The following BMPR1B variants were observed in gnomAD, a reference collection of about 807,000 sequenced individuals.
BMPR1B encodes the protein bone morphogenetic protein receptor type 1B.
BMPR1B carries 12 observed loss-of-function variants against 59.1 expected under a neutral mutation model. The ratio of observed to expected loss-of-function variants is 0.20; its 90% confidence interval spans 0.13 to 0.33. The LOEUF (loss-of-function observed/expected upper bound fraction) is 0.33, where lower values mean the gene tolerates loss of function less well. Among genes scored for constraint, BMPR1B ranks in the 10% least tolerant of loss-of-function variants. BMPR1B has a pLI of 1.00. For missense variants in BMPR1B, 550 were observed against 610.9 expected (o/e 0.90, Z 1.05); for synonymous variants, 237 against 207.3 (o/e 1.14, Z -1.23).
intron 1 of BMPR1B, among the ~76,000 whole-genome samples, chr4:94,796,382 T>C (rs183562503): frequency 1.4e-4 from 22 of 152,342 alleles, no homozygotes; most frequent in African/African-American, 4.1e-4. Context: ...TGGTAGACTT[T>C]GTAAAATCAC....
At chr4:95,071,383 T>C (rs1230944752) in intron 3 of BMPR1B, among the ~76,000 whole-genome samples, 1 of 152,102 alleles carries the variant, frequency 6.6e-6, no homozygotes, top group East Asian at 1.9e-4. Flanking sequence ...AAAACAAAAA[T>C]CACTCTGTCT....
intron 1 of BMPR1B, among the ~76,000 whole-genome samples, chr4:94,841,655 C>T (rs1725086995): frequency 6.6e-6 from 1 of 152,128 alleles, no homozygotes. Flanking sequence ...GATCTGCGCC[C>T]ACTGGCACTC....
chr4:94,761,453 GT>G (rs1721766083), intron 1 of BMPR1B, among the ~76,000 whole-genome samples: 2 of 144,392 alleles, frequency 1.4e-5, no homozygotes, highest in African/African-American at 2.5e-5. Flanking sequence ...GTGTGTGTGT[GT>G]GTGTGTGTTG....
At chr4:95,094,303 AT>A (rs1230065553) in intron 3 of BMPR1B, among the ~76,000 whole-genome samples, 1 of 152,008 alleles carries the variant, frequency 6.6e-6, no homozygotes, top group Non-Finnish European at 1.5e-5. Flanking sequence ...TGAAAACCTT[AT>A]ATTTTTATAG....
At chr4:94,842,329 G>T (rs778849129) in intron 1 of BMPR1B, among the ~76,000 whole-genome samples, 1 of 152,048 alleles carries the variant, frequency 6.6e-6, no homozygotes, top group Non-Finnish European at 1.5e-5. Context: ...ACGTACTGGA[G>T]TTTTTATGAA....
At chr4:95,029,225 C>G (rs1408885747) in intron 3 of BMPR1B, among the ~76,000 whole-genome samples, 1 of 151,416 alleles carries the variant, frequency 6.6e-6, no homozygotes, top group Non-Finnish European at 1.5e-5. Context: ...TTAGGTATAT[C>G]TCCTAATGCT....
At chr4:94,821,770 G>A (rs900539395) in intron 1 of BMPR1B, among the ~76,000 whole-genome samples, 1 of 152,170 alleles carries the variant, frequency 6.6e-6, no homozygotes, top group Admixed American at 6.5e-5. Flanking sequence ...TCTTGTTGAA[G>A]TCTGGATGGT....
At chr4:95,103,529 T>G in intron 3 of BMPR1B, 1 of 971,640 alleles carries the variant, frequency 1.0e-6, no homozygotes, top group Non-Finnish European at 1.2e-6. Context: ...TAATAATTAA[T>G]GCATGCCCTC....
At chr4:94,791,289 A>G (rs1040359921) in intron 1 of BMPR1B, among the ~76,000 whole-genome samples, 46 of 152,140 alleles carry the variant, frequency 3.0e-4, no homozygotes, top group Middle Eastern at 3.2e-3. Flanking sequence ...CCGTCCAGCC[A>G]CCAAGTAGGT....
At chr4:94,959,807 A>G (rs1030674340) in intron 2 of BMPR1B, among the ~76,000 whole-genome samples, 1 of 152,102 alleles carries the variant, frequency 6.6e-6, no homozygotes, top group Non-Finnish European at 1.5e-5. Context: ...TAGGGTAGAG[A>G]GTATGATTTT....
chr4:95,082,036 G>A (rs574020295), intron 3 of BMPR1B, among the ~76,000 whole-genome samples: 9 of 151,566 alleles, frequency 5.9e-5, no homozygotes, highest in African/African-American at 1.7e-4. Context: ...ACAATGTGCA[G>A]GTTAGTTACA....
chr4:94,947,713 G>A (rs888391080), intron 2 of BMPR1B, among the ~76,000 whole-genome samples: 2 of 152,160 alleles, frequency 1.3e-5, no homozygotes, highest in Non-Finnish European at 2.9e-5. Flanking sequence ...CAGTGATGGC[G>A]AGGTAAGATT....
chr4:94,939,961 T>C (rs925582330), intron 2 of BMPR1B, among the ~76,000 whole-genome samples: 3 of 152,226 alleles, frequency 2.0e-5, no homozygotes, highest in African/African-American at 7.2e-5. Context: ...ATTGTTTGTT[T>C]TGAATCAGAT....
chr4:94,899,650 C>A (rs1727728694), intron 2 of BMPR1B, among the ~76,000 whole-genome samples: 1 of 151,708 alleles, frequency 6.6e-6, no homozygotes, highest in East Asian at 1.9e-4. Flanking sequence ...TGAGATGCAG[C>A]AAAAGAAGCG....
intron 2 of BMPR1B, among the ~76,000 whole-genome samples, chr4:94,952,996 C>A (rs1161872126): frequency 6.6e-6 from 1 of 152,108 alleles, no homozygotes; most frequent in Non-Finnish European, 1.5e-5. Context: ...TTGCATTGAT[C>A]CCTTTACCAT....
chr4:95,071,579 A>G (rs1728274792), intron 3 of BMPR1B, among the ~76,000 whole-genome samples: 1 of 150,408 alleles, frequency 6.6e-6, no homozygotes, highest in South Asian at 2.1e-4. Context: ...ATGAAGGGCT[A>G]TGTTGCCAAA....
chr4:94,869,142 A>G (rs926103209), intron 1 of BMPR1B, among the ~76,000 whole-genome samples: 3 of 137,442 alleles, frequency 2.2e-5, no homozygotes, highest in Non-Finnish European at 4.7e-5. Flanking sequence ...ACACACACAC[A>G]CTTTGCTTTA....
At chr4:94,809,945 G>C (rs1723749071) in intron 1 of BMPR1B, among the ~76,000 whole-genome samples, 2 of 152,210 alleles carry the variant, frequency 1.3e-5, no homozygotes, top group African/African-American at 4.8e-5. Context: ...AAAGTATACA[G>C]TTCAGTGTCA....
intron 2 of BMPR1B, among the ~76,000 whole-genome samples, chr4:94,931,145 G>A (rs903419019): frequency 2.0e-4 from 31 of 152,140 alleles, no homozygotes; most frequent in Admixed American, 1.8e-3. Flanking sequence ...CTTACAGCTA[G>A]CTATAAAAAA....
Sources: gnomAD v4.1 joint callset for allele counts (sites outside exome capture counted in the v4.1 genomes callset) on GRCh38, gnomAD v4.1.1 for gene constraint, MANE v1.5 for transcripts, NCBI Gene and HGNC (gene_info 2026-07-23, HGNC 2026-07-21) for gene names.